Variants in TMEM117 observed in about 807,000 individuals in gnomAD.
TMEM117 encodes transmembrane protein 117.
Under a neutral mutation model 52.4 loss-of-function variants are expected in TMEM117, and 27 were observed. The observed-to-expected ratio is 0.51, with a 90% CI of 0.38 to 0.71. The LOEUF is 0.71. Ranked by LOEUF, TMEM117 falls within the 30% of genes least tolerant of loss-of-function variation. TMEM117 has a pLI of 0.00. For synonymous variants in TMEM117, 215 were observed against 206.3 expected (o/e 1.04, Z -0.36); for missense variants, 556 against 630.5 (o/e 0.88, Z 1.26).
intron 3 of TMEM117, among the ~76,000 whole-genome samples, chr12:44,012,854 A>G (rs1031492083): frequency 3.3e-5 from 5 of 152,040 alleles, no homozygotes; most frequent in African/African-American, 4.8e-5. Context: ...TTTTTGCTTT[A>G]TAATTGTTTT....
chr12:44,141,785 G>A (rs1948574541), intron 3 of TMEM117, among the ~76,000 whole-genome samples: 1 of 152,072 alleles, frequency 6.6e-6, no homozygotes, highest in East Asian at 1.9e-4. Context: ...AATAACTTGG[G>A]GGCTTTCAAG....
chr12:43,805,692 C>G, the TMEM117 span: 1 of 852,086 alleles, frequency 1.2e-6, no homozygotes, highest in Non-Finnish European at 1.7e-6. Context: ...GAACATAACT[C>G]TCATTTTCCT....
At chr12:44,102,713 G>A (rs1223010639) in intron 3 of TMEM117, among the ~76,000 whole-genome samples, 2 of 151,738 alleles carry the variant, frequency 1.3e-5, no homozygotes, top group African/African-American at 4.8e-5. Context: ...TTTTTGGTTG[G>A]CGTAAATATT....
At chr12:44,008,983 C>A in intron 3 of TMEM117, 1 of 366,888 alleles carries the variant, frequency 2.7e-6, no homozygotes, top group Non-Finnish European at 5.4e-6. Context: ...TATAGGTCTT[C>A]TGTTTAGTGT....
At chr12:44,179,790 TACTG>T (rs1476948993) in intron 4 of TMEM117, among the ~76,000 whole-genome samples, 4 of 152,250 alleles carry the variant, frequency 2.6e-5, no homozygotes, top group Non-Finnish European at 4.4e-5. Flanking sequence ...GGTCTATTAT[TACTG>T]ACTATCTTTA....
intron 3 of TMEM117, among the ~76,000 whole-genome samples, chr12:44,025,091 AG>A (rs1439754495): frequency 6.6e-6 from 1 of 152,168 alleles, no homozygotes; most frequent in Non-Finnish European, 1.5e-5. Flanking sequence ...TGACTTTGCT[AG>A]GCTTTAGTCT....
chr12:43,945,525 G>A (rs1945117918), intron 3 of TMEM117, among the ~76,000 whole-genome samples: 1 of 152,152 alleles, frequency 6.6e-6, no homozygotes, highest in African/African-American at 2.4e-5. Context: ...ATTTCACCAT[G>A]TTGGTTCGTC....
At chr12:43,980,701 C>T (rs553526816) in intron 3 of TMEM117, among the ~76,000 whole-genome samples, 144 of 152,188 alleles carry the variant, frequency 9.5e-4, no homozygotes, top group African/African-American at 3.3e-3. Flanking sequence ...TACCACCTGC[C>T]AAGTCTGTCC....
intron 6 of TMEM117, among the ~76,000 whole-genome samples, chr12:44,366,678 A>G (rs1311786236): frequency 6.6e-6 from 1 of 152,110 alleles, no homozygotes; most frequent in African/African-American, 2.4e-5. Flanking sequence ...GTTACATATT[A>G]TCATTGGGTG....
intron 4 of TMEM117, among the ~76,000 whole-genome samples, chr12:44,158,704 G>A (rs1948860280): frequency 1.3e-5 from 2 of 151,778 alleles, no homozygotes; most frequent in South Asian, 4.1e-4. Context: ...TTTTAGTACA[G>A]TTGGAAAATA....
Position 44,202,174 on chromosome 12 carries a change from C to T in TMEM117, c.511-9116C>T, listed in dbSNP as rs148483035. Among the ~76,000 whole-genome samples the T allele has an allele frequency of 6.3e-4, 95 of 151,900 alleles. 1 individual carries two copies. The East Asian group carries it at 0.013, about 21-fold the overall frequency. On this transcript the variant is annotated intron_variant, in intron 4 of 7. Transcript: ENST00000266534. ...GAAATAAAATTTTGTTGTTTATGCT[C>T]ATAGTAGGGAGTAAGTAAAATCTAA... is the stretch of plus-strand genomic sequence containing the variant.
chr12:44,037,667 G>A (rs535965503), intron 3 of TMEM117, among the ~76,000 whole-genome samples: 37 of 152,208 alleles, frequency 2.4e-4, no homozygotes, highest in African/African-American at 7.0e-4. Context: ...CAATTAGTAC[G>A]CACTTCCTCT....
chr12:43,890,347 C>G (rs1179298869), intron 2 of TMEM117, among the ~76,000 whole-genome samples: 1 of 152,108 alleles, frequency 6.6e-6, no homozygotes, highest in Non-Finnish European at 1.5e-5. Context: ...TAGTGAAAAT[C>G]TGTCAATAAA....
chr12:44,220,629 A>G (rs747531339), intron 5 of TMEM117, among the ~76,000 whole-genome samples: 11 of 152,080 alleles, frequency 7.2e-5, no homozygotes, highest in Non-Finnish European at 1.5e-4. Context: ...ATCATTCTCC[A>G]ATAAAAGGAA....
At chr12:43,968,330 A>G (rs1945519140) in intron 3 of TMEM117, among the ~76,000 whole-genome samples, 1 of 152,212 alleles carries the variant, frequency 6.6e-6, no homozygotes. Flanking sequence ...TGCAGTTTTA[A>G]GGACTAGCCT....
chr12:44,262,985 A>T (rs533120307), intron 5 of TMEM117, among the ~76,000 whole-genome samples: 61 of 152,306 alleles, frequency 4.0e-4, no homozygotes, highest in African/African-American at 1.4e-3. Context: ...CTTTGTTTTA[A>T]TCTGTGCTCT....
chr12:43,933,922 A>T (rs1437052974), intron 2 of TMEM117, among the ~76,000 whole-genome samples: 1 of 152,228 alleles, frequency 6.6e-6, no homozygotes, highest in Non-Finnish European at 1.5e-5. Context: ...TTTTACTTGA[A>T]TTATAAAAAT....
At chr12:44,354,566 A>G (rs1041433816) in intron 6 of TMEM117, among the ~76,000 whole-genome samples, 4 of 152,020 alleles carry the variant, frequency 2.6e-5, no homozygotes, top group African/African-American at 9.7e-5. Flanking sequence ...AAAGACAAAA[A>G]CCACATGATT....
At chr12:44,025,900 C>T (rs1022499388) in intron 3 of TMEM117, among the ~76,000 whole-genome samples, 13 of 150,564 alleles carry the variant, frequency 8.6e-5, no homozygotes, top group Non-Finnish European at 1.5e-4. Context: ...ATTACCTATC[C>T]GCCCCCCCCA....
Sources: gnomAD v4.1 joint callset for allele counts (sites outside exome capture counted in the v4.1 genomes callset) on GRCh38, gnomAD v4.1.1 for gene constraint, MANE v1.5 for transcripts, NCBI Gene and HGNC (gene_info 2026-07-23, HGNC 2026-07-21) for gene names.